The following UGT1A10 variants were observed in gnomAD, a reference collection of about 807,000 sequenced individuals.
UGT1A10 encodes UDP glucuronosyltransferase family 1 member A10, also known as UDP-glucuronosyltransferase 1A10.
Under a neutral mutation model 45.8 loss-of-function variants are expected in UGT1A10, and 49 were observed. That is an observed-to-expected ratio of 1.07 (90% CI 0.85 to 1.36). UGT1A10 has a LOEUF of 1.36. Ranked by LOEUF, UGT1A10 falls within the 40% of genes most tolerant of loss-of-function variation. The probability of loss-of-function intolerance (pLI) is 0.00; values close to 1 mark genes in which losing one functional copy is unlikely to be tolerated. For synonymous variants in UGT1A10, 284 were observed against 249.7 expected (o/e 1.14, Z -1.29); for missense variants, 745 against 668.6 (o/e 1.11, Z -1.26).
chr2:233,746,374 T>C (rs1378448222), intron 1 of UGT1A10, among the ~76,000 whole-genome samples: 2 of 151,774 alleles, frequency 1.3e-5, no homozygotes, highest in African/African-American at 4.9e-5. Flanking sequence ...AGTCCCTTCA[T>C]TCTGATTTGA....
At chr2:233,758,319 G>T (rs1559404648) in intron 1 of UGT1A10, among the ~76,000 whole-genome samples, 1 of 152,200 alleles carries the variant, frequency 6.6e-6, no homozygotes, top group South Asian at 2.1e-4. Flanking sequence ...AGCAGAAGCA[G>T]CCTCAAAAAG....
At chr2:233,751,260 C>A (rs1187773799) in intron 1 of UGT1A10, among the ~76,000 whole-genome samples, 1 of 151,902 alleles carries the variant, frequency 6.6e-6, no homozygotes, top group Non-Finnish European at 1.5e-5. Context: ...GGGCCTGTAG[C>A]CCCCTTTTTT....
At chr2:233,672,364 G>T (rs757285311) in intron 1 of UGT1A10, 1 of 1,613,980 alleles carries the variant, frequency 6.2e-7, no homozygotes, top group Non-Finnish European at 8.5e-7. Context: ...TTCTTTTGAT[G>T]CAGTGTTTCT....
At chr2:233,667,540 A>T (rs2074103830) in intron 1 of UGT1A10, among the ~76,000 whole-genome samples, 1 of 152,214 alleles carries the variant, frequency 6.6e-6, no homozygotes, top group Admixed American at 6.5e-5. Context: ...ATGGGATCTC[A>T]TTAAACTAAA....
At chr2:233,712,115 T>G (rs1346814908) in intron 1 of UGT1A10, among the ~76,000 whole-genome samples, 1 of 152,228 alleles carries the variant, frequency 6.6e-6, no homozygotes, top group Non-Finnish European at 1.5e-5. Flanking sequence ...CTAAGCAGAC[T>G]TGCAGAAGAC....
At chr2:233,643,979 G>T (rs976363623) in intron 1 of UGT1A10, among the ~76,000 whole-genome samples, 2 of 152,100 alleles carry the variant, frequency 1.3e-5, no homozygotes, top group Non-Finnish European at 2.9e-5. Flanking sequence ...GAAGGAAAGG[G>T]TCTCTTTTGG....
intron 1 of UGT1A10, among the ~76,000 whole-genome samples, chr2:233,707,806 GAGGGCGTGCATA>G (rs1165429482): frequency 6.6e-6 from 1 of 152,162 alleles, no homozygotes; most frequent in East Asian, 1.9e-4. Context: ...TGCTGCGTTG[GAGGGCGTGCATA>G]TCATTAATTT....
chr2:233,713,254 A>T (rs1466031598), intron 1 of UGT1A10: 2 of 1,614,136 alleles, frequency 1.2e-6, no homozygotes, highest in Non-Finnish European at 1.7e-6. Flanking sequence ...ACCCAGGACG[A>T]ATTTGATCGC....
chr2:233,655,494 C>T (rs1355569237), intron 1 of UGT1A10, among the ~76,000 whole-genome samples: 1 of 152,172 alleles, frequency 6.6e-6, no homozygotes, highest in Non-Finnish European at 1.5e-5. Flanking sequence ...TTGTCTTCTG[C>T]CTTAGGCTGT....
chr2:233,770,519 A>G (rs1327661350), intron 4 of UGT1A10: 1 of 152,120 alleles, frequency 6.6e-6, no homozygotes, highest in Non-Finnish European at 1.5e-5. Flanking sequence ...TTACCCAGGC[A>G]TGGTGGTGTA....
chr2:233,731,290 T>TC (rs2078133988), intron 1 of UGT1A10, among the ~76,000 whole-genome samples: 1 of 151,998 alleles, frequency 6.6e-6, no homozygotes, highest in Non-Finnish European at 1.5e-5. Context: ...CTTTCTTTTT[T>TC]TTTTTTTTAT....
At chr2:233,640,745 C>T (rs1281999335) in intron 1 of UGT1A10, among the ~76,000 whole-genome samples, 2 of 152,094 alleles carry the variant, frequency 1.3e-5, no homozygotes. Context: ...TCCTGATAGG[C>T]CAACAATCTT....
chr2:233,744,088 A>C, intron 1 of UGT1A10: 1 of 431,958 alleles, frequency 2.3e-6, no homozygotes, highest in South Asian at 2.0e-5. Context: ...CCCAAGATGC[A>C]GTGCTTCTGG....
intron 1 of UGT1A10, among the ~76,000 whole-genome samples, chr2:233,725,323 G>A (rs1370271039): frequency 1.0e-5 from 1 of 97,652 alleles, no homozygotes; most frequent in East Asian, 3.5e-4. Flanking sequence ...GAGGCGCCTG[G>A]TCAACAATCT....
At chr2:233,749,892 C>T (rs1443411185) in intron 1 of UGT1A10, among the ~76,000 whole-genome samples, 2 of 151,938 alleles carry the variant, frequency 1.3e-5, no homozygotes, top group African/African-American at 2.4e-5. Flanking sequence ...TGAGGCTCCC[C>T]CCTCCAGCCA....
At chr2:233,679,040 A>T (rs1299279940) in intron 1 of UGT1A10, among the ~76,000 whole-genome samples, 1 of 152,202 alleles carries the variant, frequency 6.6e-6, no homozygotes, top group Admixed American at 6.5e-5. Context: ...CTTTCATGAC[A>T]TTCTCTATCC....
At chr2:233,722,463 G>A (rs1258292673) in intron 1 of UGT1A10, among the ~76,000 whole-genome samples, 2 of 152,154 alleles carry the variant, frequency 1.3e-5, no homozygotes, top group Admixed American at 6.5e-5. Flanking sequence ...AATAACTGTG[G>A]AATTTGTATA....
intron 1 of UGT1A10, chr2:233,713,329 G>GA: frequency 6.2e-7 from 1 of 1,614,226 alleles, no homozygotes; most frequent in Non-Finnish European, 8.5e-7. Flanking sequence ...TTTTCTAGAA[G>GA]AATGGCAATT....
intron 1 of UGT1A10, among the ~76,000 whole-genome samples, chr2:233,650,080 C>T (rs745362868): frequency 9.2e-5 from 14 of 152,264 alleles, no homozygotes; most frequent in Admixed American, 2.0e-4. Flanking sequence ...AAGCGATTCA[C>T]CTGCCTCAGC....
Sources: allele counts gnomAD v4.1 joint callset (sites outside exome capture counted in the v4.1 genomes callset), GRCh38; gene constraint gnomAD v4.1.1; transcripts MANE v1.5; gene names NCBI Gene and HGNC (gene_info 2026-07-23, HGNC 2026-07-21).